PCSK2: variants seen among roughly 807,000 people sequenced by gnomAD.
The protein encoded by PCSK2 is proprotein convertase subtilisin/kexin type 2, also known as neuroendocrine convertase 2.
Under a neutral mutation model 69.7 loss-of-function variants are expected in PCSK2, and 14 were observed. That is an observed-to-expected ratio of 0.20 (90% CI 0.13 to 0.31). The LOEUF (loss-of-function observed/expected upper bound fraction) is 0.31, where lower values mean the gene tolerates loss of function less well. Among genes scored for constraint, PCSK2 ranks in the 10% least tolerant of loss-of-function variants. PCSK2 has a pLI of 1.00. For synonymous variants in PCSK2, 307 were observed against 320.7 expected (o/e 0.96, Z 0.46); for missense variants, 544 against 842.5 (o/e 0.65, Z 4.39).
intron 1 of PCSK2, among the ~76,000 whole-genome samples, chr20:17,243,111 T>C (rs1396200479): frequency 6.6e-6 from 1 of 152,232 alleles, no homozygotes; most frequent in Non-Finnish European, 1.5e-5. Flanking sequence ...ATGCCCGTCC[T>C]GAAAAATTTT....
intron 10 of PCSK2, chr20:17,464,070 A>C (rs1469615906): frequency 6.6e-6 from 1 of 152,200 alleles, no homozygotes; most frequent in Non-Finnish European, 1.5e-5. Flanking sequence ...ATTTTTTAAA[A>C]TAATAACACC....
chr20:17,360,441 G>C, intron 3 of PCSK2, 91 bp from the exon 4 acceptor site: 1 of 695,886 alleles, frequency 1.4e-6, no homozygotes, highest in Non-Finnish European at 2.4e-6. Context: ...TGAAATATTA[G>C]ATGGCTATAG....
intron 2 of PCSK2, among the ~76,000 whole-genome samples, chr20:17,269,873 A>C (rs1340889197): frequency 6.6e-6 from 1 of 152,130 alleles, no homozygotes; most frequent in Non-Finnish European, 1.5e-5. Context: ...AAAAAGAAAA[A>C]ACCTTACCCT....
intron 1 of PCSK2, among the ~76,000 whole-genome samples, chr20:17,252,713 A>T (rs1271817948): frequency 1.3e-5 from 2 of 152,206 alleles, no homozygotes; most frequent in Non-Finnish European, 2.9e-5. Context: ...TTCCCTGTGA[A>T]TTGTGAGCTA....
At chr20:17,462,713 G>A (rs368244956) in intron 10 of PCSK2, among the ~76,000 whole-genome samples, 2 of 152,166 alleles carry the variant, frequency 1.3e-5, no homozygotes, top group African/African-American at 2.4e-5. Flanking sequence ...ACTTCATTGC[G>A]CAGTACCTTC....
At chr20:17,423,373 G>GT (rs1198244355) in intron 6 of PCSK2, among the ~76,000 whole-genome samples, 2 of 152,174 alleles carry the variant, frequency 1.3e-5, no homozygotes, top group East Asian at 3.9e-4. Flanking sequence ...TCTGGGTTAA[G>GT]ATAAGGGTTT....
chr20:17,300,947 C>G (rs894079551), intron 2 of PCSK2, among the ~76,000 whole-genome samples: 7 of 152,086 alleles, frequency 4.6e-5, no homozygotes, highest in African/African-American at 1.7e-4. Flanking sequence ...TAACCTTAAT[C>G]AATGCTAATT....
chr20:17,457,443 C>G (rs938329761), intron 10 of PCSK2, among the ~76,000 whole-genome samples: 1 of 152,210 alleles, frequency 6.6e-6, no homozygotes, highest in Non-Finnish European at 1.5e-5. Context: ...GTTCAACCCT[C>G]TACCTTCACA....
intron 5 of PCSK2, among the ~76,000 whole-genome samples, chr20:17,390,518 C>T (rs1478853292): frequency 6.6e-6 from 1 of 152,146 alleles, no homozygotes; most frequent in South Asian, 2.1e-4. Flanking sequence ...GAGAAGCCTG[C>T]CCATGTCTTG....
intron 2 of PCSK2, among the ~76,000 whole-genome samples, chr20:17,276,907 G>T (rs6131929): frequency 5.9e-5 from 9 of 152,004 alleles, no homozygotes; most frequent in South Asian, 2.1e-4. Flanking sequence ...AATCACAAGC[G>T]TTCTTATACA....
intron 2 of PCSK2, among the ~76,000 whole-genome samples, chr20:17,290,939 TACCTAAACC>T (rs938013531): frequency 6.6e-6 from 1 of 151,940 alleles, no homozygotes; most frequent in Non-Finnish European, 1.5e-5. Flanking sequence ...ACCCCCACGG[TACCTAAACC>T]ATGCCCTCAA....
chr20:17,227,574 T>G (rs1985976365), intron 1 of PCSK2, 92 bp downstream of exon 1: 6 of 948,986 alleles, frequency 6.3e-6, no homozygotes. Flanking sequence ...GCAAGTTTTC[T>G]CTCTTTCTCA....
intron 1 of PCSK2, among the ~76,000 whole-genome samples, chr20:17,229,436 C>T (rs981946197): frequency 6.7e-6 from 1 of 148,348 alleles, no homozygotes; most frequent in Non-Finnish European, 1.5e-5. Context: ...TTCATGGGTG[C>T]GGGGGAGTGG....
chr20:17,232,046 CAG>C (rs1986160253), intron 1 of PCSK2, among the ~76,000 whole-genome samples: 1 of 152,186 alleles, frequency 6.6e-6, no homozygotes, highest in Non-Finnish European at 1.5e-5. Flanking sequence ...CTGATGAACT[CAG>C]AGTCAACTGA....
At chr20:17,287,611 T>A (rs1988562157) in intron 2 of PCSK2, among the ~76,000 whole-genome samples, 1 of 152,176 alleles carries the variant, frequency 6.6e-6, no homozygotes, top group Non-Finnish European at 1.5e-5. Context: ...TGGCTAAGCA[T>A]CCACTTATCT....
At chr20:17,300,887 T>C (rs2123087544) in intron 2 of PCSK2, among the ~76,000 whole-genome samples, 1 of 152,312 alleles carries the variant, frequency 6.6e-6, no homozygotes, top group East Asian at 1.9e-4. Flanking sequence ...GCTCTCAAAA[T>C]TATATTACTC....
At chr20:17,434,478 C>G (rs1159422863) in intron 7 of PCSK2, among the ~76,000 whole-genome samples, 2 of 152,120 alleles carry the variant, frequency 1.3e-5, no homozygotes, top group South Asian at 2.1e-4. Context: ...GTGCCTGGTC[C>G]CTGAATATGA....
chr20:17,280,035 C>T (rs1241112369), intron 2 of PCSK2, among the ~76,000 whole-genome samples: 8 of 149,888 alleles, frequency 5.3e-5, no homozygotes, highest in African/African-American at 7.3e-5. Context: ...TTATATCCTC[C>T]GCAGAAGAAA....
intron 10 of PCSK2, among the ~76,000 whole-genome samples, chr20:17,456,791 T>G (rs984438694): frequency 5.3e-5 from 8 of 152,278 alleles, no homozygotes; most frequent in African/African-American, 1.9e-4. Flanking sequence ...CCCTGGGCTC[T>G]TCTACTCCAG....
Sources: allele counts gnomAD v4.1 joint callset (sites outside exome capture counted in the v4.1 genomes callset), GRCh38; gene constraint gnomAD v4.1.1; transcripts MANE v1.5; gene names NCBI Gene and HGNC (gene_info 2026-07-23, HGNC 2026-07-21).